The following KCNH7 variants were observed in gnomAD, a reference collection of about 807,000 sequenced individuals.
KCNH7 encodes voltage-gated inwardly rectifying potassium channel KCNH7.
A neutral mutation model predicts 120.8 loss-of-function variants in KCNH7; 49 were observed. The observed-to-expected ratio is 0.41, with a 90% CI of 0.32 to 0.51. The LOEUF (loss-of-function observed/expected upper bound fraction) is 0.51, where lower values mean the gene tolerates loss of function less well. Among genes scored for constraint, KCNH7 ranks in the 20% least tolerant of loss-of-function variants. The pLI is 0.38. For synonymous variants in KCNH7, 547 were observed against 516.1 expected (o/e 1.06, Z -0.81); for missense variants, 1,097 against 1,446.6 (o/e 0.76, Z 3.92).
At chr2:162,527,553 A>G (rs1691752638) in intron 3 of KCNH7, among the ~76,000 whole-genome samples, 1 of 152,022 alleles carries the variant, frequency 6.6e-6, no homozygotes, top group Admixed American at 6.6e-5. Flanking sequence ...TTATGTGTCA[A>G]TTATCTAGAG....
chr2:162,440,080 GAAAAAATATTTTGTTCAAAAATATT>G (rs1342030434), intron 7 of KCNH7, among the ~76,000 whole-genome samples: 2 of 151,258 alleles, frequency 1.3e-5, no homozygotes, highest in Non-Finnish European at 3.0e-5. Context: ...TCATTAATAA[GAAAAAATATTTTGTTCAAAAATATT>G]AAAAAATTTT....
At chr2:162,494,589 G>A (rs1690432154) in intron 6 of KCNH7, among the ~76,000 whole-genome samples, 1 of 151,956 alleles carries the variant, frequency 6.6e-6, no homozygotes, top group Non-Finnish European at 1.5e-5. Context: ...CATAATAAAG[G>A]TTATTATGTT....
At chr2:162,472,330 A>G (rs1350204089) in intron 6 of KCNH7, among the ~76,000 whole-genome samples, 1 of 152,220 alleles carries the variant, frequency 6.6e-6, no homozygotes, top group African/African-American at 2.4e-5. Context: ...AATTTTTGCA[A>G]TCTACTCATC....
chr2:162,676,152 T>C (rs761768223), intron 2 of KCNH7, among the ~76,000 whole-genome samples: 6 of 151,510 alleles, frequency 4.0e-5, no homozygotes, highest in Non-Finnish European at 7.4e-5. Context: ...AGACACAGTG[T>C]TTGCTTGAAT....
chr2:162,397,682 G>T (rs1414445681), intron 10 of KCNH7, among the ~76,000 whole-genome samples: 2 of 151,724 alleles, frequency 1.3e-5, no homozygotes. Context: ...ACAAAGATAA[G>T]AACTACAGCA....
chr2:162,663,389 T>C (rs112694280), intron 2 of KCNH7, among the ~76,000 whole-genome samples: 367 of 152,330 alleles, frequency 2.4e-3, no homozygotes, highest in African/African-American at 8.5e-3. Context: ...TTTAGCTTTA[T>C]TTGAGGATAT....
chr2:162,538,332 C>A (rs74759679), intron 2 of KCNH7, among the ~76,000 whole-genome samples: 1 of 152,070 alleles, frequency 6.6e-6, no homozygotes, highest in Non-Finnish European at 1.5e-5. Context: ...AAAGATCGGA[C>A]CCCCCTGATT....
At chr2:162,500,940 A>T (rs1013211513) in intron 6 of KCNH7, among the ~76,000 whole-genome samples, 3 of 152,148 alleles carry the variant, frequency 2.0e-5, no homozygotes, top group Non-Finnish European at 2.9e-5. Context: ...AGATAGCTGC[A>T]ATTAGGAAAC....
At chr2:162,725,340 A>T (rs1270694554) in intron 2 of KCNH7, among the ~76,000 whole-genome samples, 1 of 152,174 alleles carries the variant, frequency 6.6e-6, no homozygotes, top group Non-Finnish European at 1.5e-5. Flanking sequence ...GTAAAAAGAA[A>T]CATTTATCAC....
intron 2 of KCNH7, among the ~76,000 whole-genome samples, chr2:162,554,452 C>A (rs1028053328): frequency 2.0e-5 from 3 of 151,860 alleles, no homozygotes; most frequent in African/African-American, 7.3e-5. Context: ...TAAAGCCTGG[C>A]GTGTTTAAAA....
Position 162,542,248 on chromosome 2 carries a change from TTTATTA to T in KCNH7, c.308-5174_308-5169del, listed in dbSNP as rs753436221. On this transcript the variant is annotated intron_variant, in intron 2 of 15. Transcript: ENST00000332142. Reference sequence around the variant, plus strand: ...TTTTTTTTTCTTTGATGAGCTTCTTTTTATTATTATTATTATTATACTTTAAGTTTT... The same window carrying T: ...TTTTTTTTTCTTTGATGAGCTTCTTTTTATTATTATTATACTTTAAGTTTT... Among the ~76,000 whole-genome samples the T allele has an allele frequency of 1.3e-3, 204 of 151,236 alleles. 1 individual carries two copies. The highest frequency in any genetic ancestry group is 2.5e-3 in the Non-Finnish European group (167 of 67,748).
At chr2:162,782,149 AC>A (rs1175159029) in intron 2 of KCNH7, among the ~76,000 whole-genome samples, 1 of 152,220 alleles carries the variant, frequency 6.6e-6, no homozygotes, top group African/African-American at 2.4e-5. Flanking sequence ...GCTTTTGTCC[AC>A]CCTCATATGC....
intron 2 of KCNH7, among the ~76,000 whole-genome samples, chr2:162,781,275 T>C (rs1441049413): frequency 6.6e-6 from 1 of 152,078 alleles, no homozygotes; most frequent in Non-Finnish European, 1.5e-5. Context: ...ATAGCATCTA[T>C]TATTATTAAT....
intron 6 of KCNH7, among the ~76,000 whole-genome samples, chr2:162,491,131 C>A (rs998884169): frequency 6.6e-6 from 1 of 152,202 alleles, no homozygotes; most frequent in Non-Finnish European, 1.5e-5. Context: ...TCCCACTCTC[C>A]GACCCATCCT....
chr2:162,510,830 G>T (rs1691047467), intron 5 of KCNH7, among the ~76,000 whole-genome samples: 1 of 151,582 alleles, frequency 6.6e-6, no homozygotes, highest in Non-Finnish European at 1.5e-5. Flanking sequence ...AATCTTAGAG[G>T]CAGACACTTA....
intron 3 of KCNH7, chr2:162,528,505 G>T (rs1691792997): frequency 6.6e-6 from 1 of 151,912 alleles, no homozygotes; most frequent in South Asian, 2.1e-4. Flanking sequence ...TTTAGTAGAG[G>T]GGACACCACA....
intron 6 of KCNH7, among the ~76,000 whole-genome samples, chr2:162,465,022 A>T (rs1276810027): frequency 6.6e-6 from 1 of 152,158 alleles, no homozygotes; most frequent in African/African-American, 2.4e-5. Flanking sequence ...ATAAAAGAAT[A>T]TGGAGATAAA....
At chr2:162,775,241 A>T (rs190469726) in intron 2 of KCNH7, among the ~76,000 whole-genome samples, 131 of 152,268 alleles carry the variant, frequency 8.6e-4, no homozygotes, top group African/African-American at 2.6e-3. Flanking sequence ...TGTTTCTTTA[A>T]CAGTGAGTCT....
intron 2 of KCNH7, among the ~76,000 whole-genome samples, chr2:162,778,051 TC>T (rs1683319738): frequency 6.6e-6 from 1 of 152,060 alleles, no homozygotes; most frequent in African/African-American, 2.4e-5. Context: ...AAATTTAAGT[TC>T]CTATCTTGAA....
Sources: gnomAD v4.1 joint callset for allele counts (sites outside exome capture counted in the v4.1 genomes callset) on GRCh38, gnomAD v4.1.1 for gene constraint, MANE v1.5 for transcripts, NCBI Gene and HGNC (gene_info 2026-07-23, HGNC 2026-07-21) for gene names.